CDC42BPA: variants seen among roughly 807,000 people sequenced by gnomAD.
The protein encoded by CDC42BPA is serine/threonine-protein kinase MRCK alpha.
A neutral mutation model predicts 223.5 loss-of-function variants in CDC42BPA; 80 were observed. The ratio of observed to expected loss-of-function variants is 0.36; its 90% CI spans 0.30 to 0.43. The LOEUF is 0.43. Among genes scored for constraint, CDC42BPA ranks in the 20% least tolerant of loss-of-function variants. The pLI is 1.00. For synonymous variants in CDC42BPA, 694 were observed against 718.6 expected (o/e 0.97, Z 0.55); for missense variants, 1,743 against 2,099.9 (o/e 0.83, Z 3.32).
At chr1:227,111,108 CAG>C (rs1686831546) in intron 14 of CDC42BPA, among the ~76,000 whole-genome samples, 1 of 152,118 alleles carries the variant, frequency 6.6e-6, no homozygotes, top group Non-Finnish European at 1.5e-5. Context: ...CAGGTATTAA[CAG>C]AATTCCAAGA....
At position 227,230,060 on chromosome 1, in the gene CDC42BPA, T is replaced by C. The variant is rs367679178; in HGVS notation, c.271-16841A>G. Among the ~76,000 whole-genome samples the C allele has an allele frequency of 2.2e-4, 33 of 152,314 alleles. No homozygotes were observed. The East Asian group carries it at 3.5e-3, about 16-fold the overall frequency. On this transcript the variant is annotated intron_variant, in intron 2 of 36. Transcript: ENST00000366766. ...CCTTCAAGGATCGAAACTGAATACC[T>C]AGGATACTTAACAGAGCCCTACTCT... is the stretch of plus-strand genomic sequence containing the variant.
intron 6 of CDC42BPA, among the ~76,000 whole-genome samples, chr1:227,157,439 T>C (rs1290228492): frequency 2.0e-5 from 3 of 152,222 alleles, no homozygotes; most frequent in Non-Finnish European, 4.4e-5. Context: ...CTCCATGATT[T>C]CTCATGACAG....
chr1:227,073,010 T>C (rs772120834), intron 19 of CDC42BPA, among the ~76,000 whole-genome samples: 8 of 152,108 alleles, frequency 5.3e-5, no homozygotes, highest in Non-Finnish European at 1.0e-4. Context: ...AAGTTTATAA[T>C]CCAACAGAAG....
chr1:227,310,506 TAAAG>T (rs1206891296), intron 1 of CDC42BPA, among the ~76,000 whole-genome samples: 1 of 152,000 alleles, frequency 6.6e-6, no homozygotes, highest in Non-Finnish European at 1.5e-5. Flanking sequence ...CAGTGATAGA[TAAAG>T]AAACACTAGC....
intron 1 of CDC42BPA, among the ~76,000 whole-genome samples, chr1:227,296,263 A>T (rs1690613314): frequency 6.6e-6 from 1 of 152,220 alleles, no homozygotes; most frequent in South Asian, 2.1e-4. Context: ...CAATACAGAA[A>T]GAATAATCTC....
At chr1:227,306,867 G>A (rs1290000328) in intron 1 of CDC42BPA, among the ~76,000 whole-genome samples, 1 of 152,128 alleles carries the variant, frequency 6.6e-6, no homozygotes, top group African/African-American at 2.4e-5. Flanking sequence ...GTAGATGCTT[G>A]AGTGCTTTTA....
At chr1:227,027,686 A>C (rs1017530142) in intron 30 of CDC42BPA, among the ~76,000 whole-genome samples, 1 of 152,120 alleles carries the variant, frequency 6.6e-6, no homozygotes, top group Non-Finnish European at 1.5e-5. Flanking sequence ...CTTTATCACG[A>C]ATCTTTTCCA....
intron 1 of CDC42BPA, among the ~76,000 whole-genome samples, chr1:227,304,964 G>A (rs1188837401): frequency 6.6e-6 from 1 of 152,140 alleles, no homozygotes; most frequent in Non-Finnish European, 1.5e-5. Flanking sequence ...TAAGATGACA[G>A]TGGAAAATAA....
chr1:227,211,216 C>T (rs1673831651), intron 3 of CDC42BPA, among the ~76,000 whole-genome samples: 1 of 152,098 alleles, frequency 6.6e-6, no homozygotes, highest in Non-Finnish European at 1.5e-5. Context: ...ATACATGTGA[C>T]ATTAAAGCTC....
chr1:227,242,777 G>C (rs1055502343), intron 2 of CDC42BPA, among the ~76,000 whole-genome samples: 2 of 151,944 alleles, frequency 1.3e-5, no homozygotes, highest in Non-Finnish European at 2.9e-5. Flanking sequence ...ATTCCTCAAA[G>C]AACAAAAACA....
intron 1 of CDC42BPA, among the ~76,000 whole-genome samples, chr1:227,261,173 T>C (rs1283671492): frequency 7.2e-6 from 1 of 139,240 alleles, no homozygotes; most frequent in Non-Finnish European, 1.5e-5. Flanking sequence ...TGGAGTGCAG[T>C]GGTGTGATCT....
At chr1:227,019,863 T>G (rs1667048000) in intron 32 of CDC42BPA, among the ~76,000 whole-genome samples, 1 of 152,182 alleles carries the variant, frequency 6.6e-6, no homozygotes, top group African/African-American at 2.4e-5. Context: ...TTTGTTGTTC[T>G]GCTTATAAAA....
At chr1:227,271,888 A>G (rs1454842663) in intron 1 of CDC42BPA, among the ~76,000 whole-genome samples, 1 of 152,218 alleles carries the variant, frequency 6.6e-6, no homozygotes, top group African/African-American at 2.4e-5. Flanking sequence ...AATAATGTAT[A>G]AATCAACAAC....
chr1:227,192,520 T>C (rs1474850138), intron 5 of CDC42BPA, among the ~76,000 whole-genome samples: 1 of 152,216 alleles, frequency 6.6e-6, no homozygotes, highest in Non-Finnish European at 1.5e-5. Context: ...TATTTCTAAC[T>C]TGGCAGTATC....
At position 227,016,920 on chromosome 1, in the gene CDC42BPA, T is replaced by A. The variant is rs751176656; in HGVS notation, c.4739+7A>T. The A allele has an allele frequency of 3.4e-5, 54 of 1,609,870 alleles. No homozygotes were observed. The highest frequency in any genetic ancestry group is 4.5e-5 in the Non-Finnish European group (53 of 1,178,200). ...AGCATGGATGATACTACAGGTTAAGTATCTACCTCCTCTGCTGCATCCTTT... is the reference window on the plus strand; with the variant it reads ...AGCATGGATGATACTACAGGTTAAGAATCTACCTCCTCTGCTGCATCCTTT... On this transcript the variant is annotated splice_region_variant and intron_variant, in intron 33 of 36. Transcript: ENST00000366766.
intron 19 of CDC42BPA, 49 bp from the exon 20 acceptor site, chr1:227,072,348 T>C (rs1027584806): frequency 3.6e-6 from 4 of 1,105,762 alleles, no homozygotes; most frequent in Non-Finnish European, 4.1e-6. Context: ...TTATTGCTGG[T>C]TAGTGAGCCA....
intron 1 of CDC42BPA, among the ~76,000 whole-genome samples, chr1:227,312,363 G>A (rs754007481): frequency 2.5e-4 from 38 of 152,258 alleles, no homozygotes; most frequent in Non-Finnish European, 4.6e-4. Context: ...AAAATAGCCT[G>A]AGCTTACTGT....
At chr1:227,147,636 A>G (rs1036083132) in intron 6 of CDC42BPA, 77 bp from the exon 7 acceptor site, 50 of 713,018 alleles carry the variant, frequency 7.0e-5, no homozygotes, top group Non-Finnish European at 1.1e-4. Context: ...GATACACAAT[A>G]GACATTATTA....
chr1:227,182,165 T>C (rs1051374098), intron 5 of CDC42BPA, among the ~76,000 whole-genome samples: 27 of 152,344 alleles, frequency 1.8e-4, no homozygotes, highest in African/African-American at 6.0e-4. Context: ...GGAGTCCTCA[T>C]GGCTCATCGG....
Sources: allele counts gnomAD v4.1 joint callset (sites outside exome capture counted in the v4.1 genomes callset), GRCh38; gene constraint gnomAD v4.1.1; transcripts MANE v1.5; gene names NCBI Gene and HGNC (gene_info 2026-07-23, HGNC 2026-07-21).